The following SECISBP2 variants were observed in gnomAD, a reference collection of about 807,000 sequenced individuals.
SECISBP2 encodes SECIS binding protein 2.
SECISBP2 carries 96 observed loss-of-function variants against 98.2 expected under a neutral mutation model. The ratio of observed to expected loss-of-function variants is 0.98; its 90% CI spans 0.83 to 1.16. The LOEUF is 1.16. Ranked by LOEUF, SECISBP2 falls within the 50% of genes most tolerant of loss-of-function variation. The probability of loss-of-function intolerance (pLI) is 0.00; values close to 1 mark genes in which losing one functional copy is unlikely to be tolerated. For synonymous variants in SECISBP2, 407 were observed against 370.2 expected (o/e 1.10, Z -1.14); for missense variants, 1,046 against 1,022.9 (o/e 1.02, Z -0.31).
intron 2 of SECISBP2, among the ~76,000 whole-genome samples, chr9:89,321,134 A>T (rs1195037911): frequency 1.3e-5 from 2 of 152,228 alleles, no homozygotes; most frequent in African/African-American, 4.8e-5. Flanking sequence ...ACTGTATTTC[A>T]TCCACTGTAA....
chr9:89,320,101 A>G (rs765663802), intron 2 of SECISBP2, among the ~76,000 whole-genome samples: 51 of 152,256 alleles, frequency 3.3e-4, no homozygotes, highest in Non-Finnish European at 6.5e-4. Flanking sequence ...TCACGCCTGT[A>G]ATCCCAGCAC....
At chr9:89,337,648 A>G (rs980481275) in intron 7 of SECISBP2, among the ~76,000 whole-genome samples, 1 of 152,228 alleles carries the variant, frequency 6.6e-6, no homozygotes, top group African/African-American at 2.4e-5. Flanking sequence ...GGGTCAGTAG[A>G]TAAGCATATT....
rs557491747 is a variant in SECISBP2, at chr9:89,325,935, A to G, written c.471A>G (p.Gln157=). ...ATGAGAAAAAAACGTATGATCAGCA[A>G]AAGTTTGACAGTGAAAGGGCTGATG... is the stretch of plus-strand genomic sequence containing the variant. ...TYDEKKTYDQ[Q]KFDSERADGT... The change falls in exon 4 of 17, where the codon CAA becomes CAG. Residue 157 remains glutamine (Q), a synonymous_variant. Transcript: ENST00000375807. The G allele has an allele frequency of 1.9e-6, 3 of 1,614,116 alleles. No individual in the cohort carries two copies. In the African/African-American group the frequency reaches 4.0e-5, roughly 22 times the overall value.
intron 14 of SECISBP2, among the ~76,000 whole-genome samples, chr9:89,355,793 T>C (rs1201629044): frequency 1.3e-5 from 2 of 152,204 alleles, no homozygotes; most frequent in East Asian, 3.8e-4. Flanking sequence ...ATGGACAGGA[T>C]GGGCCCACCC....
At chr9:89,330,423 C>G (rs1445893858) in intron 5 of SECISBP2, 3 of 152,156 alleles carry the variant, frequency 2.0e-5, no homozygotes, top group South Asian at 4.1e-4. Flanking sequence ...AGTACGAAGG[C>G]AAGTAGAAAG....
At chr9:89,318,821 C>G (rs1825160852) in intron 1 of SECISBP2, 1 of 1,270,298 alleles carries the variant, frequency 7.9e-7, no homozygotes, top group Admixed American at 4.2e-5. Flanking sequence ...ACCCCGCCCA[C>G]AGTTAGCGCC....
downstream of SECISBP2, chr9:89,363,560 T>C (rs1833092573): frequency 3.7e-6 from 6 of 1,612,456 alleles, no homozygotes; most frequent in East Asian, 2.2e-5. Context: ...AGGTCAAAGC[T>C]CTGTGGGCCT....
At position 89,320,259 on chromosome 9, in the gene SECISBP2, G is replaced by C. The variant is rs117683564; in HGVS notation, c.182+462G>C. Among the ~76,000 whole-genome samples, 8 of 151,382 alleles carry C rather than the reference G, an allele frequency of 5.3e-5. No homozygotes were observed. The East Asian group carries it at 1.6e-3, about 29-fold the overall frequency. ...TAATCCCAGGTATTCGGGAGACTGG[G>C]GCAGCAGAATCCTTTGAACCTGGGA... On this transcript the variant is annotated intron_variant, in intron 2 of 16. Coordinates refer to ENST00000375807, the MANE Select transcript of SECISBP2 (RefSeq NM_024077.5).
At position 89,353,639 on chromosome 9, in the gene SECISBP2, C is replaced by G. The variant is rs74936689; in HGVS notation, c.2113+2787C>G. On this transcript the variant is annotated intron_variant, in intron 14 of 16. Coordinates refer to ENST00000375807, the MANE Select transcript of SECISBP2 (RefSeq NM_024077.5). Reference sequence around the variant, plus strand: ...CACTGTTGGCTTAGGTTGGCTAGCTCAGTTGTCCATTTGCATGTCAGCTTC... The same window carrying G: ...CACTGTTGGCTTAGGTTGGCTAGCTGAGTTGTCCATTTGCATGTCAGCTTC... 6.9e-3 allele frequency among the ~76,000 whole-genome samples: 1,053 copies of G among 152,296 alleles called. 15 individuals carry two copies. Among genetic ancestry groups the G allele is most frequent in the African/African-American group, 0.024 (995 of 41,560 alleles).
intron 8 of SECISBP2, 110 bp from the exon 9 acceptor site, chr9:89,339,754 A>G: frequency 1.3e-6 from 1 of 775,458 alleles, no homozygotes; most frequent in Non-Finnish European, 2.2e-6. Context: ...TTTTTTTTTT[A>G]AATCACTTTT....
At chr9:89,338,098 G>A (rs925097966) in intron 7 of SECISBP2, among the ~76,000 whole-genome samples, 2 of 152,240 alleles carry the variant, frequency 1.3e-5, no homozygotes, top group African/African-American at 2.4e-5. Flanking sequence ...ATGTGCAGAT[G>A]AGGAACGACT....
chr9:89,361,985 G>C (rs1274532237), downstream of SECISBP2: 2 of 279,710 alleles, frequency 7.2e-6, no homozygotes, highest in South Asian at 6.1e-5. Context: ...TGGCTATTAG[G>C]GGGTGGGGGC....
At position 89,332,897 on chromosome 9, in the gene SECISBP2, T is replaced by G. The variant is rs1179439086; in HGVS notation, c.802-11T>G. On this transcript the variant is annotated splice_polypyrimidine_tract_variant and intron_variant, in intron 5 of 16. Transcript: ENST00000375807. ...ATTTCTCTGATGACATCTAATGTGT[T>G]TGCTTTTTAGGGTGAAATAGTGGTG... 1 of 1,609,308 alleles carries G rather than the reference T, an allele frequency of 6.2e-7. No homozygotes were observed.
intron 5 of SECISBP2, among the ~76,000 whole-genome samples, chr9:89,331,369 T>C (rs895384615): frequency 6.6e-6 from 1 of 152,238 alleles, no homozygotes; most frequent in Admixed American, 6.5e-5. Flanking sequence ...ATAAAAGTTA[T>C]GTTTACTAAA....
In SECISBP2 at chr9:89,334,702, A is replaced by AT; in HGVS notation, c.1061_1062insT (p.Glu354AspfsTer12). 1 of 1,613,856 alleles carries AT rather than the reference A, an allele frequency of 6.2e-7. No homozygotes were observed. The highest frequency in any genetic ancestry group is 8.5e-7 in the Non-Finnish European group (1 of 1,179,956). The stretch of plus-strand genomic sequence containing the variant: ...TCTTCGGATCCTTCCTACAACAAAG[A>AT]AAAACACATTATTCATCCTACCCAA... On this transcript the variant is annotated frameshift_variant, in exon 7 of 17. Coordinates refer to ENST00000375807, the MANE Select transcript of SECISBP2 (RefSeq NM_024077.5). LOFTEE classifies it high-confidence loss of function.
At chr9:89,351,809 T>C (rs1353866856) in intron 14 of SECISBP2, among the ~76,000 whole-genome samples, 1 of 152,218 alleles carries the variant, frequency 6.6e-6, no homozygotes, top group Non-Finnish European at 1.5e-5. Context: ...CCCACTCATC[T>C]GATTGTGTGC....
Position 89,334,503 on chromosome 9 carries a change from T to G in SECISBP2, c.881-19T>G. ...TTTACTGTTGAGATTGTTCAACAAT[T>G]TTGGTTATCTTTGAGCAGAGTTATC... On this transcript the variant is annotated intron_variant, in intron 6 of 16. Transcript: ENST00000375807. 1 of 1,606,046 alleles carries G rather than the reference T, an allele frequency of 6.2e-7. No homozygotes were observed. Among genetic ancestry groups the G allele is most frequent in the Non-Finnish European group, 8.5e-7 (1 of 1,172,768 alleles).
At position 89,340,150 on chromosome 9, in the gene SECISBP2, A is replaced by G. The variant is rs140437480; in HGVS notation, c.1302+197A>G. The stretch of plus-strand genomic sequence containing the variant: ...AAATAATAAGATTTTATTATTTGAT[A>G]ATAAGACTTATTTTATAAGATTATT... On this transcript the variant is annotated intron_variant, in intron 9 of 16. Transcript: ENST00000375807. 2.5e-3 allele frequency among the ~76,000 whole-genome samples: 385 copies of G among 152,298 alleles called. 2 individuals carry two copies. The highest frequency in any genetic ancestry group is 7.7e-3 in the African/African-American group (318 of 41,554).
At chr9:89,351,841 T>C (rs1831327592) in intron 14 of SECISBP2, among the ~76,000 whole-genome samples, 1 of 152,148 alleles carries the variant, frequency 6.6e-6, no homozygotes, top group African/African-American at 2.4e-5. Flanking sequence ...TCCAGGTCAT[T>C]GGAGAGGACA....
Sources: allele counts gnomAD v4.1 joint callset (sites outside exome capture counted in the v4.1 genomes callset), GRCh38; gene constraint gnomAD v4.1.1; transcripts MANE v1.5; gene names NCBI Gene and HGNC (gene_info 2026-07-23, HGNC 2026-07-21).